OXR1: variants seen among roughly 807,000 people sequenced by gnomAD.
OXR1 encodes the protein oxidation resistance protein 1.
OXR1 carries 41 observed loss-of-function variants against 104.6 expected under a neutral mutation model. That is an observed-to-expected ratio of 0.39 (90% CI 0.31 to 0.51). The LOEUF is 0.51. Ranked by LOEUF, OXR1 falls within the 20% of genes least tolerant of loss-of-function variation. OXR1 has a pLI of 0.77. For missense variants in OXR1, 955 were observed against 1,031.9 expected (o/e 0.93, Z 1.02); for synonymous variants, 348 against 348.4 (o/e 1.00, Z 0.01).
Position 106,316,713 on chromosome 8 carries a change from CT to C in OXR1, c.-138-42762del, listed in dbSNP as rs1175165413. 6.7e-3 allele frequency among the ~76,000 whole-genome samples: 767 copies of C among 114,054 alleles called. 4 individuals are homozygous for C. Among genetic ancestry groups the C allele is most frequent in the Admixed American group, 0.019 (201 of 10,350 alleles). The allele number at this position is 114,054 out of a possible 152,430, so 74.8% of individuals were successfully genotyped here. A position where few individuals can be genotyped will look rare whatever the true frequency, so the allele number is the denominator to read the frequency against. On this transcript the variant is annotated intron_variant, in intron 1 of 16. Coordinates refer to ENST00000517566, the MANE Select transcript of OXR1 (RefSeq NM_001198533.2). ...TTTTTCTATCTATCTATCTATCTAT[CT>C]ATCATCTATCTATCTATCTATCTAT...
intron 3 of OXR1, among the ~76,000 whole-genome samples, chr8:106,537,416 T>TA (rs1163590019): frequency 6.6e-6 from 1 of 152,026 alleles, no homozygotes; most frequent in Non-Finnish European, 1.5e-5. Context: ...CGTAAGAGTT[T>TA]AAAAACGGAG....
At chr8:106,426,806 G>T (rs1253606518) in intron 2 of OXR1, among the ~76,000 whole-genome samples, 2 of 152,168 alleles carry the variant, frequency 1.3e-5, no homozygotes, top group Non-Finnish European at 2.9e-5. Context: ...CTGACTAGTA[G>T]TAAACATTCA....
At chr8:106,398,685 A>G (rs1429897414) in intron 2 of OXR1, among the ~76,000 whole-genome samples, 1 of 152,108 alleles carries the variant, frequency 6.6e-6, no homozygotes, top group Non-Finnish European at 1.5e-5. Context: ...ACTATCTTTA[A>G]GTTTCCCTCT....
chr8:106,520,624 A>G (rs1813186948), intron 3 of OXR1: 1 of 152,222 alleles, frequency 6.6e-6, no homozygotes, highest in Admixed American at 6.5e-5. Flanking sequence ...AGAATTAATA[A>G]AAGTGTAGAC....
At chr8:106,729,796 G>A (rs1833708470) in intron 11 of OXR1, 1 of 152,092 alleles carries the variant, frequency 6.6e-6, no homozygotes, top group South Asian at 2.1e-4. Context: ...TAATAGCATA[G>A]TGGTCTTCCA....
chr8:106,593,680 G>A (rs898657996), intron 3 of OXR1, among the ~76,000 whole-genome samples: 1 of 152,168 alleles, frequency 6.6e-6, no homozygotes, highest in Non-Finnish European at 1.5e-5. Flanking sequence ...GGGAGGCTGA[G>A]GCAGGAGAAT....
At chr8:106,342,304 G>T (rs1255602564) in intron 1 of OXR1, among the ~76,000 whole-genome samples, 1 of 148,092 alleles carries the variant, frequency 6.8e-6, no homozygotes, top group Non-Finnish European at 1.5e-5. Context: ...AGGCTGGAGT[G>T]CAGTGGCACG....
intron 1 of OXR1, among the ~76,000 whole-genome samples, chr8:106,352,934 A>G (rs1006039937): frequency 1.3e-5 from 2 of 152,240 alleles, no homozygotes; most frequent in East Asian, 3.8e-4. Context: ...GATAACACAA[A>G]TTATAAAAAT....
chr8:106,479,434 T>G (rs778622484), intron 2 of OXR1, among the ~76,000 whole-genome samples: 27 of 151,992 alleles, frequency 1.8e-4, no homozygotes, highest in Non-Finnish European at 3.2e-4. Flanking sequence ...TAGTATAACT[T>G]TGGATTTTCT....
intron 2 of OXR1, among the ~76,000 whole-genome samples, chr8:106,443,288 G>A (rs1819868861): frequency 6.7e-6 from 1 of 150,138 alleles, no homozygotes; most frequent in African/African-American, 2.4e-5. Context: ...ATAATTTCAG[G>A]TTTTTTTTTG....
At chr8:106,649,694 A>AAT (rs58775435) in intron 3 of OXR1, among the ~76,000 whole-genome samples, 3,722 of 148,474 alleles carry the variant, frequency 0.025, 49 homozygotes, top group East Asian at 0.034. Flanking sequence ...ATCTGTCAAA[A>AAT]ATATATATAT....
intron 2 of OXR1, among the ~76,000 whole-genome samples, chr8:106,362,151 A>G (rs187043163): frequency 1.3e-5 from 2 of 152,244 alleles, no homozygotes; most frequent in Admixed American, 6.5e-5. Context: ...TCTGAGTTCC[A>G]CTTCTGCCAG....
At chr8:106,581,345 A>G (rs991729275) in intron 3 of OXR1, 1 of 675,356 alleles carries the variant, frequency 1.5e-6, no homozygotes, top group Admixed American at 2.5e-5. Context: ...GAGTCTTGCT[A>G]CTGGAATGTA....
intron 3 of OXR1, among the ~76,000 whole-genome samples, chr8:106,655,236 G>C (rs1379328257): frequency 6.6e-6 from 1 of 151,920 alleles, no homozygotes; most frequent in African/African-American, 2.4e-5. Context: ...TTATAACCCT[G>C]AATTGTTATC....
intron 1 of OXR1, among the ~76,000 whole-genome samples, chr8:106,298,668 T>A (rs1394832720): frequency 1.3e-5 from 2 of 152,098 alleles, no homozygotes; most frequent in African/African-American, 2.4e-5. Context: ...TATTGACAGA[T>A]GGAAGATGCA....
intron 7 of OXR1, among the ~76,000 whole-genome samples, chr8:106,699,609 T>A (rs1268905165): frequency 2.0e-5 from 3 of 152,246 alleles, no homozygotes; most frequent in Admixed American, 6.5e-5. Context: ...AGTTCTTGAC[T>A]AGAAGCAGAA....
chr8:106,600,362 C>A (rs1235540621), intron 3 of OXR1, among the ~76,000 whole-genome samples: 1 of 152,170 alleles, frequency 6.6e-6, no homozygotes, highest in Non-Finnish European at 1.5e-5. Flanking sequence ...CAGTTTAGCC[C>A]GGCCTAGACT....
At chr8:106,694,367 TTTTA>T (rs1266458599) in intron 7 of OXR1, among the ~76,000 whole-genome samples, 2 of 145,744 alleles carry the variant, frequency 1.4e-5, no homozygotes, top group African/African-American at 2.5e-5. Flanking sequence ...TGCCTTTCAG[TTTTA>T]TTTATCTGTT....
In OXR1 at chr8:106,342,197, G is replaced by A. The variant is rs985264657; in HGVS notation, c.-138-17279G>A. ...ACCCCGTCTATATCCTTAATCTGAT[G>A]TCTTCTCTTCAGGAATTTTCTTGCT... On this transcript the variant is annotated intron_variant, in intron 1 of 16. Transcript: ENST00000517566. Among the ~76,000 whole-genome samples, 10 of 151,212 alleles carry A rather than the reference G, an allele frequency of 6.6e-5. No homozygotes were observed. The East Asian group carries it at 1.2e-3, about 18-fold the overall frequency.
Sources: gnomAD v4.1 joint callset for allele counts (sites outside exome capture counted in the v4.1 genomes callset) on GRCh38, gnomAD v4.1.1 for gene constraint, MANE v1.5 for transcripts, NCBI Gene and HGNC (gene_info 2026-07-23, HGNC 2026-07-21) for gene names.